ZFHX3: variants seen among roughly 807,000 people sequenced by gnomAD.
ZFHX3 encodes zinc finger homeobox protein 3.
In ZFHX3, 42 loss-of-function variants were observed where a neutral mutation model predicts 279.1. That is an observed-to-expected ratio of 0.15 (90% confidence interval 0.12 to 0.19). The LOEUF is 0.19. Ranked by LOEUF, ZFHX3 falls within the 10% of genes least tolerant of loss-of-function variation. ZFHX3 has a pLI of 1.00. For synonymous variants in ZFHX3, 2,293 were observed against 1,957.8 expected (o/e 1.17, Z -4.52); for missense variants, 4,981 against 4,754.0 (o/e 1.05, Z -1.40).
chr16:73,711,376 A>G (rs2053361389), intron 1 of ZFHX3, among the ~76,000 whole-genome samples: 1 of 152,222 alleles, frequency 6.6e-6, no homozygotes, highest in South Asian at 2.1e-4. Context: ...TCCCATAGTA[A>G]TATTTGTTTA....
intron 8 of ZFHX3, among the ~76,000 whole-genome samples, chr16:73,085,473 T>A (rs1966000651): frequency 6.6e-6 from 1 of 152,150 alleles, no homozygotes. Context: ...CTTGAATTCC[T>A]GACCTCTAGT....
At chr16:73,480,309 T>C (rs1349891598) in intron 2 of ZFHX3, among the ~76,000 whole-genome samples, 1 of 152,240 alleles carries the variant, frequency 6.6e-6, no homozygotes, top group Non-Finnish European at 1.5e-5. Context: ...TTTTTATTTC[T>C]TCTCTATTAG....
At chr16:73,253,662 A>C (rs553986393) in intron 5 of ZFHX3, among the ~76,000 whole-genome samples, 1 of 151,830 alleles carries the variant, frequency 6.6e-6, no homozygotes, top group Admixed American at 6.6e-5. Flanking sequence ...TCACCGGGTT[A>C]ACTAGGATGG....
chr16:73,349,786 C>T (rs1439437008), intron 3 of ZFHX3, among the ~76,000 whole-genome samples: 1 of 95,852 alleles, frequency 1.0e-5, no homozygotes, highest in Non-Finnish European at 2.0e-5. Flanking sequence ...CCCTCTCTTC[C>T]TTCCTTGTTC....
chr16:72,983,614 G>A (rs1310883068), intron 1 of ZFHX3, among the ~76,000 whole-genome samples: 2 of 152,190 alleles, frequency 1.3e-5, no homozygotes, highest in East Asian at 3.8e-4. Flanking sequence ...GGATGAGATA[G>A]AAGGATCGCT....
At chr16:73,580,629 C>A (rs552989725) in intron 2 of ZFHX3, among the ~76,000 whole-genome samples, 1 of 151,378 alleles carries the variant, frequency 6.6e-6, no homozygotes, top group East Asian at 1.9e-4. Flanking sequence ...AGTTGCCTAT[C>A]TTTCAGGGTA....
chr16:73,480,739 G>A (rs1351595237), intron 2 of ZFHX3, among the ~76,000 whole-genome samples: 6 of 152,184 alleles, frequency 3.9e-5, no homozygotes, highest in African/African-American at 1.2e-4. Flanking sequence ...GGAGATGTGA[G>A]TGTCAGTAGC....
chr16:72,854,336 C>T lies in ZFHX3; in HGVS notation c.3449-24477G>A, dbSNP rs74575745. ...TTTATGGAATCTGTCACTTCTATAC[C>T]GAAAGAAATGGCGGTTGTGTGCGAG... On this transcript the variant is annotated intron_variant, in intron 4 of 9. Transcript: ENST00000268489. 6.4e-3 allele frequency among the ~76,000 whole-genome samples: 967 copies of T among 152,218 alleles called. 6 individuals are homozygous for T. The highest frequency in any genetic ancestry group is 0.021 in the African/African-American group (890 of 41,528).
intron 1 of ZFHX3, among the ~76,000 whole-genome samples, chr16:72,964,075 C>G (rs1032209768): frequency 1.3e-5 from 2 of 152,212 alleles, no homozygotes; most frequent in African/African-American, 4.8e-5. Context: ...GCCTGATTCC[C>G]TGGGTGATCC....
intron 1 of ZFHX3, among the ~76,000 whole-genome samples, chr16:73,717,247 T>G (rs1168157047): frequency 6.6e-6 from 1 of 152,316 alleles, no homozygotes; most frequent in South Asian, 2.1e-4. Context: ...ATGCATTTAT[T>G]TGTTTGCTTA....
At chr16:73,749,724 C>A (rs180752315) in intron 1 of ZFHX3, among the ~76,000 whole-genome samples, 1 of 152,256 alleles carries the variant, frequency 6.6e-6, no homozygotes, top group East Asian at 1.9e-4. Flanking sequence ...GCATCACAAA[C>A]TGCAATGTTT....
intron 1 of ZFHX3, among the ~76,000 whole-genome samples, chr16:73,864,173 A>G (rs1961952935): frequency 6.6e-6 from 1 of 152,200 alleles, no homozygotes; most frequent in African/African-American, 2.4e-5. Flanking sequence ...ATGAATTTAC[A>G]CATAACTTAT....
At chr16:73,837,771 G>T (rs1163796353) in intron 1 of ZFHX3, among the ~76,000 whole-genome samples, 1 of 152,108 alleles carries the variant, frequency 6.6e-6, no homozygotes, top group Middle Eastern at 3.2e-3. Context: ...TGAGTAGCTG[G>T]GATTACAGGC....
At chr16:72,982,588 A>C (rs1022413034) in intron 1 of ZFHX3, among the ~76,000 whole-genome samples, 1 of 152,168 alleles carries the variant, frequency 6.6e-6, no homozygotes, top group African/African-American at 2.4e-5. Flanking sequence ...TCAGTGGAGT[A>C]GAGTTATACA....
At chr16:73,231,565 C>T (rs2012773559) in intron 5 of ZFHX3, among the ~76,000 whole-genome samples, 1 of 152,170 alleles carries the variant, frequency 6.6e-6, no homozygotes, top group African/African-American at 2.4e-5. Context: ...GTCCTGCATA[C>T]CTTTTCCTCC....
intron 3 of ZFHX3, among the ~76,000 whole-genome samples, chr16:73,426,956 G>A (rs2017821012): frequency 6.6e-6 from 1 of 152,110 alleles, no homozygotes; most frequent in South Asian, 2.1e-4. Context: ...AATTTACGGG[G>A]TCCAGTCATT....
At chr16:73,349,048 G>A (rs1416849565) in intron 3 of ZFHX3, among the ~76,000 whole-genome samples, 2 of 152,152 alleles carry the variant, frequency 1.3e-5, no homozygotes, top group African/African-American at 2.4e-5. Context: ...CTTCTTTTGG[G>A]GGCATCAATT....
At chr16:73,879,865 C>G (rs1012106487) in intron 1 of ZFHX3, among the ~76,000 whole-genome samples, 1 of 152,030 alleles carries the variant, frequency 6.6e-6, no homozygotes, top group African/African-American at 2.4e-5. Context: ...ACAAGGTCTC[C>G]AGACATTGTT....
intron 2 of ZFHX3, among the ~76,000 whole-genome samples, chr16:73,559,766 C>T (rs2020342954): frequency 6.6e-6 from 1 of 152,128 alleles, no homozygotes; most frequent in Non-Finnish European, 1.5e-5. Flanking sequence ...TCTCTCTCTG[C>T]CACCGTCCCC....
Sources: allele counts gnomAD v4.1 joint callset (sites outside exome capture counted in the v4.1 genomes callset), GRCh38; gene constraint gnomAD v4.1.1; transcripts MANE v1.5; gene names NCBI Gene and HGNC (gene_info 2026-07-23, HGNC 2026-07-21).